Variants in SLC25A21 observed in about 807,000 individuals in gnomAD.
SLC25A21 encodes solute carrier family 25 member 21, also known as mitochondrial 2-oxodicarboxylate carrier.
Under a neutral mutation model 43.8 loss-of-function variants are expected in SLC25A21, and 47 were observed. That is an observed-to-expected ratio of 1.07 (90% CI 0.85 to 1.37). The LOEUF (loss-of-function observed/expected upper bound fraction) is 1.37, where lower values mean the gene tolerates loss of function less well. SLC25A21 is among the 40% of genes most tolerant of loss of function. The pLI, the probability that SLC25A21 is intolerant of heterozygous loss-of-function variation, is 0.00. For synonymous variants in SLC25A21, 131 were observed against 121.3 expected (o/e 1.08, Z -0.52); for missense variants, 352 against 350.2 (o/e 1.00, Z -0.04).
chr14:37,109,252 G>A (rs749231166), intron 1 of SLC25A21, among the ~76,000 whole-genome samples: 1 of 152,030 alleles, frequency 6.6e-6, no homozygotes. Context: ...ACGATGGTGT[G>A]CGTGATTCTA....
chr14:36,945,804 T>A (rs943820012), intron 1 of SLC25A21, among the ~76,000 whole-genome samples: 2 of 152,184 alleles, frequency 1.3e-5, no homozygotes, highest in South Asian at 4.1e-4. Context: ...GAGATGGCTG[T>A]GCAATAATGT....
At chr14:37,126,151 A>G (rs1566899626) in intron 1 of SLC25A21, among the ~76,000 whole-genome samples, 3 of 152,162 alleles carry the variant, frequency 2.0e-5, no homozygotes, top group East Asian at 1.9e-4. Flanking sequence ...CACATGTGCT[A>G]TGTGTATACC....
At chr14:36,868,835 A>G (rs1202221170) in intron 2 of SLC25A21, among the ~76,000 whole-genome samples, 1 of 152,188 alleles carries the variant, frequency 6.6e-6, no homozygotes, top group African/African-American at 2.4e-5. Context: ...AAATAGGAGC[A>G]CTGGTGAGTG....
chr14:36,732,244 T>C (rs1884855240), intron 4 of SLC25A21, among the ~76,000 whole-genome samples: 1 of 151,956 alleles, frequency 6.6e-6, no homozygotes, highest in African/African-American at 2.4e-5. Context: ...GTGTAGATAC[T>C]ATGATTGGTA....
intron 3 of SLC25A21, among the ~76,000 whole-genome samples, chr14:36,789,278 T>G (rs1887358544): frequency 2.0e-5 from 3 of 152,108 alleles, no homozygotes; most frequent in African/African-American, 7.2e-5. Context: ...TTTGAAGTTC[T>G]GCTATGGAGG....
intron 1 of SLC25A21, among the ~76,000 whole-genome samples, chr14:37,110,043 G>A (rs1566888535): frequency 6.6e-6 from 1 of 152,064 alleles, no homozygotes; most frequent in African/African-American, 2.4e-5. Flanking sequence ...AGTATTCCAA[G>A]AACCAGAGCT....
At chr14:36,711,035 T>G (rs1433885563) in intron 7 of SLC25A21, among the ~76,000 whole-genome samples, 2 of 152,222 alleles carry the variant, frequency 1.3e-5, no homozygotes, top group Non-Finnish European at 2.9e-5. Context: ...CACTCAGGTG[T>G]AAAAATAGCT....
intron 1 of SLC25A21, among the ~76,000 whole-genome samples, chr14:37,033,280 G>A (rs1961258746): frequency 1.3e-5 from 2 of 152,140 alleles, no homozygotes. Context: ...CCATGTTGTA[G>A]CACATGACAG....
At chr14:36,821,856 A>G (rs993798865) in intron 2 of SLC25A21, among the ~76,000 whole-genome samples, 1 of 152,118 alleles carries the variant, frequency 6.6e-6, no homozygotes, top group African/African-American at 2.4e-5. Flanking sequence ...AAACCAAAAC[A>G]AAACAAAAAT....
At chr14:37,153,973 A>G (rs1457590153) in intron 1 of SLC25A21, among the ~76,000 whole-genome samples, 1 of 152,082 alleles carries the variant, frequency 6.6e-6, no homozygotes, top group Non-Finnish European at 1.5e-5. Flanking sequence ...GCCATCATCC[A>G]TGCTATACTG....
chr14:36,892,894 C>A (rs1033330058), intron 1 of SLC25A21, among the ~76,000 whole-genome samples: 13 of 152,122 alleles, frequency 8.5e-5, no homozygotes, highest in African/African-American at 3.1e-4. Context: ...TTTTTTATGG[C>A]TGCATAGTAT....
intron 6 of SLC25A21, 94 bp downstream of exon 6, chr14:36,725,476 A>AAAATAAATAAAT (rs10607138): frequency 9.8e-5 from 35 of 358,956 alleles, no homozygotes; most frequent in East Asian, 4.4e-4. Flanking sequence ...ACTCTGTCCC[A>AAAATAAATAAAT]AAATAAATAA....
chr14:37,089,543 T>C (rs1962545112), intron 1 of SLC25A21, among the ~76,000 whole-genome samples: 1 of 152,198 alleles, frequency 6.6e-6, no homozygotes, highest in Non-Finnish European at 1.5e-5. Flanking sequence ...TTCTGCTGCC[T>C]TTTTTATTAT....
Position 36,764,933 on chromosome 14 carries a change from G to A in SLC25A21, c.204-30360C>T, listed in dbSNP as rs17105237. Among the ~76,000 whole-genome samples, 197 of 152,204 alleles carry A rather than the reference G, an allele frequency of 1.3e-3. 1 individual carries two copies. Among genetic ancestry groups the A allele is most frequent in the African/African-American group, 4.6e-3 (191 of 41,532 alleles). On this transcript the variant is annotated intron_variant, in intron 3 of 9. Transcript: ENST00000331299. Reference sequence around the variant, plus strand: ...AGAACATGGTGAGCCACAAGATTACGGGCCATCTTGCTTTTAAGAACAGAT... The same window carrying A: ...AGAACATGGTGAGCCACAAGATTACAGGCCATCTTGCTTTTAAGAACAGAT...
At chr14:37,051,966 A>C (rs1454942267) in intron 1 of SLC25A21, among the ~76,000 whole-genome samples, 2 of 152,198 alleles carry the variant, frequency 1.3e-5, no homozygotes, top group Non-Finnish European at 2.9e-5. Context: ...AGGAGTGAAG[A>C]GTGGACCCGA....
intron 1 of SLC25A21, among the ~76,000 whole-genome samples, chr14:37,099,424 C>T (rs1210602060): frequency 6.6e-6 from 1 of 151,978 alleles, no homozygotes; most frequent in African/African-American, 2.4e-5. Context: ...CAAAATATTC[C>T]GTTCTAACAG....
chr14:37,099,643 G>A (rs568320926), intron 1 of SLC25A21, among the ~76,000 whole-genome samples: 294 of 151,952 alleles, frequency 1.9e-3, no homozygotes, highest in Non-Finnish European at 3.5e-3. Context: ...TCTAATACAC[G>A]TTTACTTTCT....
chr14:36,910,964 A>C (rs1891671748), intron 1 of SLC25A21, among the ~76,000 whole-genome samples: 1 of 152,220 alleles, frequency 6.6e-6, no homozygotes, highest in African/African-American at 2.4e-5. Context: ...GTGATAAAAA[A>C]GTTAATTAGG....
At chr14:36,886,572 G>A (rs1890919203) in intron 1 of SLC25A21, among the ~76,000 whole-genome samples, 1 of 152,046 alleles carries the variant, frequency 6.6e-6, no homozygotes, top group Non-Finnish European at 1.5e-5. Flanking sequence ...ATATTTCAGA[G>A]GTATAAACCA....
Sources: gnomAD v4.1 joint callset for allele counts (sites outside exome capture counted in the v4.1 genomes callset) on GRCh38, gnomAD v4.1.1 for gene constraint, MANE v1.5 for transcripts, NCBI Gene and HGNC (gene_info 2026-07-23, HGNC 2026-07-21) for gene names.